The following PTGES variants were observed in gnomAD, a reference collection of about 807,000 sequenced individuals.
PTGES encodes MGST1-like 1.
A neutral mutation model predicts 11.8 loss-of-function variants in PTGES; 3 were observed. The ratio of observed to expected loss-of-function variants is 0.25; its 90% CI spans 0.12 to 0.66. PTGES has a LOEUF of 0.66. Ranked by LOEUF, PTGES falls within the 30% of genes least tolerant of loss-of-function variation. PTGES has a pLI of 0.82. For missense variants in PTGES, 180 were observed against 213.0 expected (o/e 0.85, Z 0.96); for synonymous variants, 94 against 90.4 (o/e 1.04, Z -0.22).
chr9:129,742,345 A>AAAC (rs1554727350), intron 2 of PTGES, among the ~76,000 whole-genome samples: 4 of 149,374 alleles, frequency 2.7e-5, no homozygotes, highest in African/African-American at 7.6e-5. Context: ...AAAAAAAAAA[A>AAAC]AAAAACATAA....
chr9:129,749,462 A>C (rs1393117681), intron 1 of PTGES: 1 of 152,592 alleles, frequency 6.6e-6, no homozygotes, highest in Admixed American at 6.5e-5. Context: ...AGCCTGGGCA[A>C]CATGATGAAA....
At chr9:129,744,870 T>G (rs1225148518) in intron 2 of PTGES, among the ~76,000 whole-genome samples, 1 of 150,394 alleles carries the variant, frequency 6.6e-6, no homozygotes. Flanking sequence ...AGAGTGAAAG[T>G]CCATCTCAAA....
At chr9:129,748,838 G>A (rs71499485) in intron 1 of PTGES, 101 bp from the exon 2 acceptor site, 1 of 970,668 alleles carries the variant, frequency 1.0e-6, no homozygotes, top group Non-Finnish European at 1.5e-6. Flanking sequence ...GCAGGACAGA[G>A]GTGCAGTTGC....
intron 2 of PTGES, 49 bp downstream of exon 2, chr9:129,748,606 G>GGGCA: frequency 6.9e-7 from 1 of 1,441,604 alleles, no homozygotes; most frequent in Non-Finnish European, 9.3e-7. Context: ...AGTTCTGAAA[G>GGGCA]GGCAGGCCAT....
chr9:129,747,709 C>A (rs1338691765), intron 2 of PTGES, among the ~76,000 whole-genome samples: 3 of 151,886 alleles, frequency 2.0e-5, no homozygotes, highest in African/African-American at 7.3e-5. Context: ...CCCATAAAGG[C>A]AAATGAAAAA....
At chr9:129,744,457 C>T (rs10988488) in intron 2 of PTGES, among the ~76,000 whole-genome samples, 14,151 of 151,820 alleles carry the variant, frequency 0.093, 705 homozygotes, top group East Asian at 0.19. Flanking sequence ...TGTCTGTGGT[C>T]CCAGCTACTC....
intron 2 of PTGES, among the ~76,000 whole-genome samples, chr9:129,747,278 G>T (rs1833057222): frequency 6.6e-6 from 1 of 152,166 alleles, no homozygotes; most frequent in African/African-American, 2.4e-5. Context: ...ACTCCAAATT[G>T]GGTGTACCTA....
In PTGES at chr9:129,752,884, T is replaced by G. The variant is rs778478612; in HGVS notation, c.126+3A>C. The G allele has an allele frequency of 6.2e-7, 1 of 1,613,852 alleles. No homozygotes were observed. The highest frequency in any genetic ancestry group is 1.3e-5 in the African/African-American group (1 of 74,922). On this transcript the variant is annotated splice_donor_region_variant and intron_variant, in intron 1 of 2. Transcript: ENST00000340607. ...GGCCGGGGACCCCCAGGGAGGCACA[T>G]ACCTTCTTCCGCAGCCTCACTTGGC...
chr9:129,747,971 C>T (rs1463787264), intron 2 of PTGES, among the ~76,000 whole-genome samples: 1 of 136,824 alleles, frequency 7.3e-6, no homozygotes, highest in Non-Finnish European at 1.5e-5. Context: ...GGTGGCACCA[C>T]TGCACTCCAG....
chr9:129,744,877 C>CA lies in PTGES; in HGVS notation c.209+3777dup, dbSNP rs35083107. Among the ~76,000 whole-genome samples the CA allele has an allele frequency of 7.0e-4, 100 of 143,016 alleles. 1 individual carries two copies. The highest frequency in any genetic ancestry group is 8.3e-4 in the Non-Finnish European group (54 of 65,138). The allele number at this position is 143,016 out of a possible 152,430, so 93.8% of individuals were successfully genotyped here. A position where few individuals can be genotyped will look rare whatever the true frequency, so the allele number is the denominator to read the frequency against. ...GGGCAACAAGAGTGAAAGTCCATCT[C>CA]AAAAAAAAAAAAAATTTTTTTTGAG... On this transcript the variant is annotated intron_variant, in intron 2 of 2. Coordinates refer to ENST00000340607, the MANE Select transcript of PTGES (RefSeq NM_004878.5).
intron 2 of PTGES, among the ~76,000 whole-genome samples, chr9:129,747,258 G>T (rs1833057027): frequency 6.6e-6 from 1 of 152,186 alleles, no homozygotes; most frequent in East Asian, 1.9e-4. Flanking sequence ...GTTAATAAAA[G>T]AAAATCAGAA....
In PTGES at chr9:129,739,800, G is replaced by A. The variant is rs374997633; in HGVS notation, c.270C>T (p.Ser90=). The change falls in exon 3 of 3, where the codon TCC becomes TCT. Residue 90 remains serine, a synonymous_variant. Transcript: ENST00000340607. This position sits in a 1 kb window ranked among gnomAD's most constrained non-coding sequence, Gnocchi z 5.7. ...CGACAAAAGGGTTAGGACCCAGAAA[G>A]GAGTAGACGAAGCCCAGGAAAAGGA... ...YPFLFLGFVY[S]FLGPNPFVAW... 7.6e-6 allele frequency: 12 copies of A among 1,573,088 alleles called. No individual in the cohort carries two copies. The highest frequency in any genetic ancestry group is 4.1e-5 in the African/African-American group (3 of 74,052).
At chr9:129,752,300 G>A (rs1359983925) in intron 1 of PTGES, among the ~76,000 whole-genome samples, 2 of 152,200 alleles carry the variant, frequency 1.3e-5, no homozygotes, top group Admixed American at 6.5e-5. Context: ...CCAGTGTGAC[G>A]GACGCTACTG....
At chr9:129,741,197 A>G (rs544246647) in intron 2 of PTGES, among the ~76,000 whole-genome samples, 18 of 152,326 alleles carry the variant, frequency 1.2e-4, no homozygotes, top group Admixed American at 5.9e-4. Flanking sequence ...TGCAGGGGAA[A>G]AGCATTCCAG....
chr9:129,748,009 CAAAAAAA>C (rs71497492), intron 2 of PTGES, among the ~76,000 whole-genome samples: 2 of 23,436 alleles, frequency 8.5e-5, no homozygotes, highest in Non-Finnish European at 1.7e-4. Context: ...GACTCTGTCT[CAAAAAAA>C]AAAAAAAAAA....
chr9:129,741,549 C>T (rs45580434), intron 2 of PTGES, among the ~76,000 whole-genome samples: 107 of 152,314 alleles, frequency 7.0e-4, no homozygotes, highest in Middle Eastern at 3.4e-3. Flanking sequence ...CGGTGGGGAA[C>T]ACTGTGGCCT....
At chr9:129,752,853 G>T in intron 1 of PTGES, 34 bp downstream of exon 1, 1 of 1,613,692 alleles carries the variant, frequency 6.2e-7, no homozygotes, top group South Asian at 1.1e-5. Flanking sequence ...AAGCAAGTAT[G>T]ACCCAGGCCG....
intron 1 of PTGES, among the ~76,000 whole-genome samples, chr9:129,751,101 AG>A (rs1833101971): frequency 6.6e-6 from 1 of 152,142 alleles, no homozygotes; most frequent in Admixed American, 6.5e-5. Flanking sequence ...CCAAGATGGG[AG>A]GATCACTTGA....
At chr9:129,742,375 C>T (rs1275127100) in intron 2 of PTGES, among the ~76,000 whole-genome samples, 1 of 151,414 alleles carries the variant, frequency 6.6e-6, no homozygotes, top group Middle Eastern at 3.2e-3. Context: ...AAAATCACTC[C>T]GTCCTCTGGC....
Sources: allele counts gnomAD v4.1 joint callset (sites outside exome capture counted in the v4.1 genomes callset), GRCh38; gene constraint gnomAD v4.1.1; non-coding constraint Gnocchi (gnomAD v3.1); transcripts MANE v1.5; gene names NCBI Gene and HGNC (gene_info 2026-07-23, HGNC 2026-07-21).